ZSCAN25: variants seen among roughly 807,000 people sequenced by gnomAD.
ZSCAN25 encodes the protein zinc finger and SCAN domain-containing protein 25.
Under a neutral mutation model 38.7 loss-of-function variants are expected in ZSCAN25, and 27 were observed. The ratio of observed to expected loss-of-function variants is 0.70; its 90% CI spans 0.51 to 0.96. The LOEUF (loss-of-function observed/expected upper bound fraction) is 0.96, where lower values mean the gene tolerates loss of function less well. Among genes scored for constraint, ZSCAN25 ranks in the 40% least tolerant of loss-of-function variants. ZSCAN25 has a pLI of 0.00. For synonymous variants in ZSCAN25, 273 were observed against 277.7 expected (o/e 0.98, Z 0.17); for missense variants, 637 against 705.9 (o/e 0.90, Z 1.11).
At chr7:99,694,855 C>T in the ZSCAN25 span, among the ~76,000 whole-genome samples, 1 of 152,206 alleles carries the variant, frequency 6.6e-6, no homozygotes, top group East Asian at 1.9e-4. Context: ...CCAGGTTAGG[C>T]ACAAAGGCTC....
At chr7:99,714,631 AAC>A in the ZSCAN25 span, 1 of 1,613,364 alleles carries the variant, frequency 6.2e-7, no homozygotes. Flanking sequence ...TTTTCTTGGA[AAC>A]ACAGTGATAT....
At chr7:99,730,557 T>C in the ZSCAN25 span, 1 of 155,670 alleles carries the variant, frequency 6.4e-6, no homozygotes, top group Non-Finnish European at 1.4e-5. Flanking sequence ...CAGGTGCAAA[T>C]GACCCAATGG....
At chr7:99,640,650 A>G in the ZSCAN25 span, among the ~76,000 whole-genome samples, 2 of 152,312 alleles carry the variant, frequency 1.3e-5, no homozygotes, top group East Asian at 3.9e-4. Flanking sequence ...CACAATTTTG[A>G]ATTCCTGTCC....
intron 6 of ZSCAN25, among the ~76,000 whole-genome samples, chr7:99,623,682 C>T (rs775269283): frequency 1.3e-5 from 2 of 152,182 alleles, no homozygotes; most frequent in African/African-American, 4.8e-5. Context: ...TCCCTTGTAC[C>T]ATAATAGTTC....
At chr7:99,721,742 C>CGTGT in the ZSCAN25 span, among the ~76,000 whole-genome samples, 9 of 151,266 alleles carry the variant, frequency 5.9e-5, no homozygotes, top group South Asian at 4.2e-4. Flanking sequence ...AATTATGACA[C>CGTGT]GTGTGTGTGT....
the ZSCAN25 span, among the ~76,000 whole-genome samples, chr7:99,640,615 G>T: frequency 6.6e-6 from 1 of 152,198 alleles, no homozygotes; most frequent in Admixed American, 6.5e-5. Context: ...AATTCTCCAA[G>T]CCAAATAAAT....
chr7:99,638,022 G>A, the ZSCAN25 span, among the ~76,000 whole-genome samples: 2 of 152,120 alleles, frequency 1.3e-5, no homozygotes, highest in African/African-American at 4.8e-5. Context: ...GCAACTTTGT[G>A]TTCATGTCAA....
chr7:99,691,865 C>G, the ZSCAN25 span, among the ~76,000 whole-genome samples: 265 of 152,262 alleles, frequency 1.7e-3, no homozygotes, highest in African/African-American at 6.2e-3. Flanking sequence ...CAGTCTGTGT[C>G]TTTTAATTGG....
At chr7:99,666,756 T>C in the ZSCAN25 span, 1 of 1,611,724 alleles carries the variant, frequency 6.2e-7, no homozygotes. Context: ...GGATATGGCT[T>C]TCTCCAGCAT....
chr7:99,663,398 C>T, the ZSCAN25 span: 1 of 990,968 alleles, frequency 1.0e-6, no homozygotes, highest in African/African-American at 1.7e-5. Flanking sequence ...CCCTGACCTG[C>T]AGACATCCTT....
At chr7:99,714,766 A>G in the ZSCAN25 span, 24 of 1,571,044 alleles carry the variant, frequency 1.5e-5, no homozygotes, top group Non-Finnish European at 2.0e-5. Context: ...TTCTCTACCA[A>G]TCAGAAGAGT....
the ZSCAN25 span, among the ~76,000 whole-genome samples, chr7:99,686,495 C>G: frequency 2.6e-5 from 4 of 152,184 alleles, no homozygotes; most frequent in African/African-American, 9.7e-5. Flanking sequence ...ATAAGGTAAA[C>G]AAAGCAGCTG....
chr7:99,708,300 G>A, the ZSCAN25 span, among the ~76,000 whole-genome samples: 1 of 152,176 alleles, frequency 6.6e-6, no homozygotes, highest in African/African-American at 2.4e-5. Flanking sequence ...TGATGAGAAT[G>A]ACTGACAGAA....
chr7:99,636,046 C>CAAAA (rs780898445), downstream of ZSCAN25, among the ~76,000 whole-genome samples: 4 of 43,388 alleles, frequency 9.2e-5, no homozygotes, highest in Admixed American at 2.2e-4. Flanking sequence ...GACTCCATCT[C>CAAAA]AAAAAAAAAA....
At chr7:99,712,853 A>G in the ZSCAN25 span, among the ~76,000 whole-genome samples, 1 of 152,186 alleles carries the variant, frequency 6.6e-6, no homozygotes, top group Non-Finnish European at 1.5e-5. Flanking sequence ...TTCAGTAAAA[A>G]TCGTACATGG....
the ZSCAN25 span, chr7:99,715,927 A>G: frequency 7.4e-6 from 12 of 1,613,200 alleles, no homozygotes; most frequent in Non-Finnish European, 1.0e-5. Flanking sequence ...AAAGATGTGG[A>G]AAATTAAAAT....
chr7:99,620,304 A>G (rs922504244), intron 4 of ZSCAN25: 22 of 318,578 alleles, frequency 6.9e-5, no homozygotes, highest in Non-Finnish European at 1.2e-4. Flanking sequence ...TCCCTCATAG[A>G]CCTGACCCTG....
the ZSCAN25 span, among the ~76,000 whole-genome samples, chr7:99,675,937 T>C: frequency 6.6e-6 from 1 of 151,372 alleles, no homozygotes; most frequent in Admixed American, 6.6e-5. Context: ...CTCAAGCAAT[T>C]TGCCAGTCTT....
the ZSCAN25 span, among the ~76,000 whole-genome samples, chr7:99,669,914 C>T: frequency 6.6e-6 from 1 of 152,074 alleles, no homozygotes. Context: ...ATGCAGTTGC[C>T]ACACAAAACT....
Sources: allele counts gnomAD v4.1 joint callset (sites outside exome capture counted in the v4.1 genomes callset), GRCh38; gene constraint gnomAD v4.1.1; transcripts MANE v1.5; gene names NCBI Gene and HGNC (gene_info 2026-07-23, HGNC 2026-07-21).